HLCS: variants seen among roughly 807,000 people sequenced by gnomAD.
The protein encoded by HLCS is holocarboxylase synthetase, also known as biotin--protein ligase.
In HLCS, 53 loss-of-function variants were observed where a neutral mutation model predicts 75.0. That is an observed-to-expected ratio of 0.71 (90% CI 0.57 to 0.89). HLCS has a LOEUF of 0.89. Ranked by LOEUF, HLCS falls within the 40% of genes least tolerant of loss-of-function variation. The pLI is 0.00. For missense variants in HLCS, 966 were observed against 1,074.0 expected (o/e 0.90, Z 1.41); for synonymous variants, 431 against 428.6 (o/e 1.01, Z -0.07).
chr21:36,866,204 T>G (rs1325812777), intron 6 of HLCS, among the ~76,000 whole-genome samples: 1 of 55,428 alleles, frequency 1.8e-5, no homozygotes, highest in Admixed American at 2.4e-4. Context: ...GGGGCAGAGG[T>G]GGGGGAAGGG....
At chr21:36,859,324 T>C (rs1569110779) in intron 6 of HLCS, among the ~76,000 whole-genome samples, 1 of 152,216 alleles carries the variant, frequency 6.6e-6, no homozygotes, top group Non-Finnish European at 1.5e-5. Flanking sequence ...CCTGGCCAGC[T>C]TGGAGTTTTT....
At chr21:36,794,668 G>A (rs1183014285) in intron 6 of HLCS, among the ~76,000 whole-genome samples, 2 of 152,148 alleles carry the variant, frequency 1.3e-5, no homozygotes, top group South Asian at 2.1e-4. Context: ...AGCTAACAGG[G>A]ATGAGATAAC....
intron 6 of HLCS, among the ~76,000 whole-genome samples, chr21:36,890,886 T>A (rs768387462): frequency 6.6e-6 from 1 of 152,252 alleles, no homozygotes; most frequent in African/African-American, 2.4e-5. Context: ...TCAGAAGGTA[T>A]ACTACTTTCA....
At chr21:36,811,897 A>C (rs917442227) in intron 6 of HLCS, among the ~76,000 whole-genome samples, 1 of 152,122 alleles carries the variant, frequency 6.6e-6, no homozygotes, top group African/African-American at 2.4e-5. Flanking sequence ...TTGCTGAAGG[A>C]TCAGGGAGAG....
chr21:36,783,421 C>A (rs946555979), intron 6 of HLCS, among the ~76,000 whole-genome samples: 4 of 152,158 alleles, frequency 2.6e-5, no homozygotes, highest in African/African-American at 9.7e-5. Context: ...GCTACAACAT[C>A]AAAGAGGCAG....
In HLCS at chr21:36,937,197, C is replaced by T. The variant is rs761147008; in HGVS notation, c.689G>A (p.Ser230Asn). The change falls in exon 4 of 11, where the codon AGT becomes AAT. Residue 230 changes from serine to asparagine, a missense_variant. Physicochemically the swap from Ser to Asn is conservative, Grantham distance 46 (BLOSUM62 1). Transcript: ENST00000674895. The part of the protein sequence containing the change: ...PKQRRGSASG[S>N]EPAGDSDRGG... ...CCTGTCACTGTCCCCAGCAGGCTCA[C>T]TCCCAGAGGCACTGCCTCTCCTTTG... 31 of 1,614,062 alleles carry T rather than the reference C, an allele frequency of 1.9e-5. No individual in the cohort carries two copies. In the South Asian group the frequency reaches 3.0e-4, roughly 15 times the overall value.
intron 6 of HLCS, among the ~76,000 whole-genome samples, chr21:36,792,765 G>C (rs193158663): frequency 1.3e-5 from 2 of 152,162 alleles, no homozygotes; most frequent in Non-Finnish European, 2.9e-5. Context: ...CAGAACCACA[G>C]AGCTGTTACA....
chr21:36,764,043 A>C (rs940200759), intron 8 of HLCS, among the ~76,000 whole-genome samples: 2 of 152,208 alleles, frequency 1.3e-5, no homozygotes, highest in African/African-American at 4.8e-5. Context: ...TTCAACAGAA[A>C]ATGCAGATGA....
chr21:36,985,386 A>G (rs59668379), intron 1 of HLCS, among the ~76,000 whole-genome samples: 16,374 of 152,210 alleles, frequency 0.11, 1,001 homozygotes, highest in East Asian at 0.21. Context: ...TAATCCCAGC[A>G]CTTTGGGAGG....
intron 6 of HLCS, among the ~76,000 whole-genome samples, chr21:36,833,319 T>C (rs1237119759): frequency 1.3e-5 from 2 of 150,074 alleles, no homozygotes; most frequent in Non-Finnish European, 3.0e-5. Context: ...GTGCAATGGC[T>C]CACACCTGTA....
chr21:36,865,093 G>T (rs543524913), intron 6 of HLCS, among the ~76,000 whole-genome samples: 1 of 148,234 alleles, frequency 6.7e-6, no homozygotes, highest in Admixed American at 6.7e-5. Context: ...GGTGAGAAAA[G>T]TCAGTTGTGG....
intron 5 of HLCS, among the ~76,000 whole-genome samples, chr21:36,906,270 G>A (rs1260954983): frequency 3.3e-5 from 5 of 152,138 alleles, no homozygotes; most frequent in Non-Finnish European, 7.3e-5. Flanking sequence ...ACTCATACTC[G>A]TAATCCCAGC....
At chr21:36,965,825 G>T (rs748850900) in intron 1 of HLCS, among the ~76,000 whole-genome samples, 1 of 151,848 alleles carries the variant, frequency 6.6e-6, no homozygotes, top group African/African-American at 2.4e-5. Context: ...TCAAACTCCG[G>T]GGCTCAAGTG....
At chr21:36,965,964 G>A (rs1008821389) in intron 1 of HLCS, among the ~76,000 whole-genome samples, 4 of 151,984 alleles carry the variant, frequency 2.6e-5, no homozygotes, top group Non-Finnish European at 4.4e-5. Context: ...TAGCTATGTT[G>A]CCCAGGCTGG....
At chr21:36,894,772 C>T (rs533031750) in intron 6 of HLCS, among the ~76,000 whole-genome samples, 11 of 152,188 alleles carry the variant, frequency 7.2e-5, no homozygotes, top group African/African-American at 2.4e-4. Flanking sequence ...TGGGAGGTTC[C>T]ACCTCTAGTG....
At chr21:36,966,332 G>A in intron 1 of HLCS, 112 bp downstream of exon 1, 2 of 405,996 alleles carry the variant, frequency 4.9e-6, no homozygotes, top group Non-Finnish European at 6.7e-6. Flanking sequence ...CCGCACTGAG[G>A]GCGCCACTCC....
intron 5 of HLCS, among the ~76,000 whole-genome samples, chr21:36,917,024 A>C (rs2065963013): frequency 6.6e-6 from 1 of 152,212 alleles, no homozygotes; most frequent in South Asian, 2.1e-4. Context: ...CAAAAGGTTC[A>C]CCAGTGGTAA....
intron 6 of HLCS, among the ~76,000 whole-genome samples, chr21:36,869,368 G>A (rs1474207296): frequency 3.3e-5 from 5 of 152,030 alleles, no homozygotes; most frequent in Non-Finnish European, 5.9e-5. Context: ...TCCTGACCTC[G>A]TGATCCGCCC....
chr21:36,782,212 C>T (rs546560306), intron 6 of HLCS, among the ~76,000 whole-genome samples: 6 of 151,974 alleles, frequency 3.9e-5, no homozygotes, highest in African/African-American at 1.4e-4. Context: ...TTTGATGAGC[C>T]CATCCTTTTT....
Sources: gnomAD v4.1 joint callset for allele counts (sites outside exome capture counted in the v4.1 genomes callset) on GRCh38, gnomAD v4.1.1 for gene constraint, MANE v1.5 for transcripts, NCBI Gene and HGNC (gene_info 2026-07-23, HGNC 2026-07-21) for gene names.